The following PIGN variants were observed in gnomAD, a reference collection of about 807,000 sequenced individuals.
PIGN encodes GPI ethanolamine phosphate transferase 1.
A neutral mutation model predicts 125.4 loss-of-function variants in PIGN; 117 were observed. The ratio of observed to expected loss-of-function variants is 0.93; its 90% CI spans 0.80 to 1.09. The LOEUF (loss-of-function observed/expected upper bound fraction) is 1.09. Among genes scored for constraint, PIGN ranks in the 50% least tolerant of loss-of-function variants. The pLI is 0.00. For missense variants in PIGN, 1,075 were observed against 1,094.9 expected (o/e 0.98, Z 0.26); for synonymous variants, 392 against 377.8 (o/e 1.04, Z -0.44).
At chr18:62,178,634 TG>T (rs2037611176) in intron 1 of PIGN, among the ~76,000 whole-genome samples, 1 of 150,854 alleles carries the variant, frequency 6.6e-6, no homozygotes, top group Non-Finnish European at 1.5e-5. Context: ...AAAGAAAAAC[TG>T]TAAGATAGTA....
rs1322432765 is a variant in PIGN, at chr18:62,138,972, T to G, written c.1116+11A>C. 6.6e-7 allele frequency: 1 copy of G among 1,508,864 alleles called. No individual in the cohort carries two copies. The allele number at this position is 1,508,864 out of a possible 1,614,324, so 93.5% of individuals were successfully genotyped here. A position where few individuals can be genotyped will look rare whatever the true frequency, so the allele number is the denominator to read the frequency against. On this transcript the variant is annotated intron_variant, in intron 13 of 30. Transcript: ENST00000640252. ...CATTTTTGTGCGTGCCTTTTTGAAT[T>G]TTTTTTTTACCTTGAACTGTTCAAG...
chr18:62,142,370 T>A (rs1195414681), intron 11 of PIGN, among the ~76,000 whole-genome samples: 1 of 152,252 alleles, frequency 6.6e-6, no homozygotes, highest in African/African-American at 2.4e-5. Context: ...AATTGCTGAT[T>A]ATGATCTGGT....
chr18:62,155,804 A>G (rs2036709941), intron 6 of PIGN, among the ~76,000 whole-genome samples: 1 of 152,152 alleles, frequency 6.6e-6, no homozygotes, highest in East Asian at 1.9e-4. Context: ...TTAGTTTGAT[A>G]AGCCATAGCA....
rs755658401 is a variant in PIGN, at chr18:62,186,041, A to ATTT, written c.-236+800_-236+802dup. Reference sequence around the variant, plus strand: ...CTTTGACTCCTTATTAGCGGAATTGATTTTTTTTTTTTTTTTTTTTTTTTT... The same window carrying ATTT: ...CTTTGACTCCTTATTAGCGGAATTGATTTTTTTTTTTTTTTTTTTTTTTTTTTT... On this transcript the variant is annotated intron_variant, in intron 1 of 30. Transcript: ENST00000640252. Among the ~76,000 whole-genome samples, 38 of 102,228 alleles carry ATTT rather than the reference A, an allele frequency of 3.7e-4. 2 individuals are homozygous for ATTT. The highest frequency in any genetic ancestry group is 1.1e-3 in the African/African-American group (29 of 25,786). 67.1% of individuals were successfully genotyped at this position (102,228 alleles called of 152,430 possible).
In PIGN at chr18:62,130,369, C is replaced by T. The variant is rs559561462; in HGVS notation, c.1172+7874G>A. On this transcript the variant is annotated intron_variant, in intron 14 of 30. Transcript: ENST00000640252. ...TTGTTCATTTTCCCTTTAATCTATG[C>T]ATAGTTACAGATATGGATAAACTAA... Among the ~76,000 whole-genome samples the T allele has an allele frequency of 6.6e-5, 10 of 152,188 alleles. No individual in the cohort carries two copies. The South Asian group carries it at 1.7e-3, about 25-fold the overall frequency.
At chr18:62,102,385 G>A (rs1055146918) in intron 21 of PIGN, among the ~76,000 whole-genome samples, 1 of 150,250 alleles carries the variant, frequency 6.7e-6, no homozygotes, top group Non-Finnish European at 1.5e-5. Context: ...CCATGCTGAA[G>A]TTTATTTTCA....
Position 62,045,953 on chromosome 18 carries a change from G to A in PIGN, c.2699C>T (p.Ser900Phe). The A allele has an allele frequency of 6.2e-7, 1 of 1,612,792 alleles. No individual in the cohort carries two copies. Reference protein sequence around the residue: ...TSISHYVIVMSMTIFLVFLNG... With the variant: ...TSISHYVIVMFMTIFLVFLNG... ...GAGGAACACCAAAAAGATGGTCATGGACATGACAATCACATAGTGGCTGAT... is the reference window on the plus strand; with the variant it reads ...GAGGAACACCAAAAAGATGGTCATGAACATGACAATCACATAGTGGCTGAT... The change falls in exon 31 of 31, where the codon TCC (serine) becomes TTC (phenylalanine). Residue 900 changes from serine to phenylalanine, a missense_variant. Transcript: ENST00000640252.
chr18:62,078,243 T>C (rs1350154731), intron 28 of PIGN, among the ~76,000 whole-genome samples: 1 of 152,052 alleles, frequency 6.6e-6, no homozygotes, highest in Admixed American at 6.5e-5. Context: ...TTCTGGAGAG[T>C]GGAGCAGTTG....
At chr18:62,156,920 ACTAT>A (rs1316642702) in intron 6 of PIGN, among the ~76,000 whole-genome samples, 1 of 152,190 alleles carries the variant, frequency 6.6e-6, no homozygotes, top group Non-Finnish European at 1.5e-5. Flanking sequence ...AATCCAAAAT[ACTAT>A]CTAACTGTAT....
chr18:62,030,656 A>G (rs1391226799), intron 23 of PIGN, among the ~76,000 whole-genome samples: 1 of 152,198 alleles, frequency 6.6e-6, no homozygotes, highest in Non-Finnish European at 1.5e-5. Context: ...TTGTGCTGAT[A>G]TTTTTATATT....
At position 62,105,603 on chromosome 18, in the gene PIGN, A is replaced by G; in HGVS notation, c.1799T>C (p.Leu600Ser). 6.4e-7 allele frequency: 1 copy of G among 1,554,320 alleles called. No homozygotes were observed. The highest frequency in any genetic ancestry group is 2.4e-5 in the East Asian group (1 of 41,128). Residue 600 changes from leucine to serine, a missense_variant, in exon 20 of 31, where the codon TTG becomes TCG. This residue lies in a region of PIGN where 915 missense variants were observed against 908.7 expected (regional missense o/e 1.01). Transcript: ENST00000640252. ...MTSLSWTFFSLLLAVFPLMPV... is the reference protein window; with the variant it reads ...MTSLSWTFFSSLLAVFPLMPV... The stretch of plus-strand genomic sequence containing the variant: ...CATCAGTGGGAACACTGCCAGGAGC[A>G]AAGAGAAGAAAGTCCAACTCAGTGA...
Position 62,106,807 on chromosome 18 carries a change from C to A in PIGN, c.1749G>T (p.Arg583=). 1.2e-6 allele frequency: 2 copies of A among 1,606,556 alleles called. No individual in the cohort carries two copies. Among genetic ancestry groups the A allele is most frequent in the Non-Finnish European group, 1.7e-6 (2 of 1,176,302 alleles). ...TAFAAWPFLT[R]LWTRAKMTSL... Reference sequence around the variant, plus strand: ...CTCATACCTTTGCTCGAGTCCACAGCCGAGTGAGAAATGGCCAAGCTGCAA... The same window carrying A: ...CTCATACCTTTGCTCGAGTCCACAGACGAGTGAGAAATGGCCAAGCTGCAA... The change falls in exon 19 of 31, where the codon CGG becomes CGT. Residue 583 remains arginine, a synonymous_variant. Transcript: ENST00000640252.
chr18:62,137,357 C>T (rs2035972061), intron 14 of PIGN: 2 of 380,108 alleles, frequency 5.3e-6, no homozygotes, highest in East Asian at 3.8e-5. Context: ...TTCTTTACTC[C>T]TCATATTGCA....
intron 10 of PIGN, 83 bp downstream of exon 10, chr18:62,145,826 T>G: frequency 1.4e-6 from 1 of 705,446 alleles, no homozygotes; most frequent in East Asian, 2.8e-5. Flanking sequence ...CAACTAAAAT[T>G]TGAAGAGTGA....
chr18:62,085,465 T>C (rs533303785), intron 25 of PIGN, among the ~76,000 whole-genome samples: 77 of 152,270 alleles, frequency 5.1e-4, no homozygotes, highest in East Asian at 3.5e-3. Context: ...GTACCGAGAA[T>C]AATGAGGCCT....
chr18:62,175,585 C>T (rs1279188959), intron 1 of PIGN, among the ~76,000 whole-genome samples: 2 of 152,162 alleles, frequency 1.3e-5, no homozygotes, highest in African/African-American at 4.8e-5. Flanking sequence ...TCTCTCACCT[C>T]ATTATGGCAT....
intron 23 of PIGN, among the ~76,000 whole-genome samples, chr18:62,031,997 G>T (rs11152326): frequency 0.17 from 26,046 of 152,136 alleles, 3,048 homozygotes; most frequent in Middle Eastern, 0.28. Flanking sequence ...GACTCCAGGT[G>T]TTCCTTGGCT....
At position 62,082,655 on chromosome 18, in the gene PIGN, TA is replaced by T; in HGVS notation, c.2576+17del. Reference sequence around the variant, plus strand: ...AAAAATAGGCAAATCAAATGTTTCTTAAACTAATTCATCTTACCTTTTTGAC... The same window carrying T: ...AAAAATAGGCAAATCAAATGTTTCTTAACTAATTCATCTTACCTTTTTGAC... On this transcript the variant is annotated intron_variant, in intron 28 of 30. Transcript: ENST00000640252. 1 of 1,406,154 alleles carries T rather than the reference TA, an allele frequency of 7.1e-7. No individual in the cohort carries two copies. Among genetic ancestry groups the T allele is most frequent in the Non-Finnish European group, 9.8e-7 (1 of 1,016,988 alleles). The allele number at this position is 1,406,154 out of a possible 1,614,324, so 87.1% of individuals were successfully genotyped here. A position where few individuals can be genotyped will look rare whatever the true frequency, so the allele number is the denominator to read the frequency against.
intron 30 of PIGN, among the ~76,000 whole-genome samples, chr18:62,058,119 T>C (rs1177359694): frequency 1.3e-5 from 2 of 152,132 alleles, no homozygotes; most frequent in African/African-American, 4.8e-5. Flanking sequence ...AAAGACTCTT[T>C]CTTGTAAAAC....
Sources: allele counts gnomAD v4.1 joint callset (sites outside exome capture counted in the v4.1 genomes callset), GRCh38; gene constraint gnomAD v4.1.1; regional missense constraint gnomAD v4.1.1; transcripts MANE v1.5; gene names NCBI Gene and HGNC (gene_info 2026-07-23, HGNC 2026-07-21).